The following SEMA5B variants were observed in gnomAD, a reference collection of about 807,000 sequenced individuals.
SEMA5B encodes the protein semaphorin 5B, also known as semaphorin-5B.
Under a neutral mutation model 135.0 loss-of-function variants are expected in SEMA5B, and 66 were observed. The ratio of observed to expected loss-of-function variants is 0.49; its 90% CI spans 0.40 to 0.60. The LOEUF (loss-of-function observed/expected upper bound fraction) is 0.60. Among genes scored for constraint, SEMA5B ranks in the 20% least tolerant of loss-of-function variants. SEMA5B has a pLI of 0.00. For synonymous variants in SEMA5B, 690 were observed against 639.5 expected, an observed-to-expected ratio of 1.08 and a Z score of -1.19; for missense variants, 1,501 against 1,566.3, an observed-to-expected ratio of 0.96 and a Z score of 0.70.
At chr3:123,014,504 G>A (rs184477776) in intron 1 of SEMA5B, among the ~76,000 whole-genome samples, 4 of 152,360 alleles carry the variant, frequency 2.6e-5, no homozygotes, top group Admixed American at 2.6e-4. Flanking sequence ...TAGCATTAGT[G>A]GGACATATAG....
intron 2 of SEMA5B, among the ~76,000 whole-genome samples, chr3:122,951,752 T>C (rs1039169121): frequency 2.6e-5 from 4 of 152,190 alleles, no homozygotes; most frequent in African/African-American, 9.6e-5. Flanking sequence ...AATTCCCAGG[T>C]GATTCTGATG....
At chr3:122,943,042 G>T (rs1445726742) in intron 4 of SEMA5B, among the ~76,000 whole-genome samples, 8 of 152,210 alleles carry the variant, frequency 5.3e-5, no homozygotes, top group Admixed American at 3.9e-4. Context: ...GCCGTCCCAG[G>T]TGCAGGCCGC....
chr3:122,957,529 A>G (rs1451482044), intron 2 of SEMA5B, among the ~76,000 whole-genome samples: 1 of 152,242 alleles, frequency 6.6e-6, no homozygotes, highest in Non-Finnish European at 1.5e-5. Context: ...TTTTTAGTGT[A>G]AAAAACCATG....
chr3:122,913,229 C>T lies in SEMA5B; in HGVS notation c.2476G>A (p.Ala826Thr), dbSNP rs747473226. 1.3e-6 allele frequency: 2 copies of T among 1,579,922 alleles called. No individual in the cohort carries two copies. The highest frequency in any genetic ancestry group is 1.7e-6 in the Non-Finnish European group (2 of 1,172,412). ...RRRTETRTCP[A>T]DGSGSCDTDA... ...GTGTCGCAGGAGCCGGAGCCGTCCG[C>T]GGGACAGGTCCTCGTCTCGGTCCTT... is the stretch of plus-strand genomic sequence containing the variant. Residue 826 changes from alanine (A) to threonine (T), a missense_variant, in exon 17 of 23, where the codon GCG becomes ACG. Ala to Thr is a moderately conservative substitution (Grantham distance 58). Around this residue, in one of 2 missense-constraint regions of SEMA5B, gnomAD observed 927 missense variants for 881.6 expected, o/e 1.05. Coordinates refer to ENST00000357599, the MANE Select transcript of SEMA5B (RefSeq NM_001031702.4).
In SEMA5B at chr3:122,912,354, CG is replaced by C. The variant is rs1560277738; in HGVS notation, c.2726-13del. On this transcript the variant is annotated splice_polypyrimidine_tract_variant and intron_variant, in intron 18 of 22. Transcript: ENST00000357599. Reference sequence around the variant, plus strand: ...CCAAGCACCCCGAACTGCAAGGGGACGGGGTGTGTGAGGGGCTGTAGGGGCA... The same window carrying C: ...CCAAGCACCCCGAACTGCAAGGGGACGGGTGTGTGAGGGGCTGTAGGGGCA... 6.3e-7 allele frequency: 1 copy of C among 1,575,272 alleles called. No individual in the cohort carries two copies. The highest frequency in any genetic ancestry group is 1.8e-5 in the Admixed American group (1 of 56,020).
chr3:122,948,747 C>G lies in SEMA5B; in HGVS notation c.125-38G>C, dbSNP rs1163377730. On this transcript the variant is annotated intron_variant, in intron 2 of 22. Coordinates refer to ENST00000357599, the MANE Select transcript of SEMA5B (RefSeq NM_001031702.4). ...CACTCAGTCTCACCAAGCGCTCCCT[C>G]CAACTGGGCCCACTTCCCTCAATTT... is the stretch of plus-strand genomic sequence containing the variant. 3.3e-6 allele frequency: 5 copies of G among 1,500,388 alleles called. No individual in the cohort carries two copies. In the South Asian group the frequency reaches 6.4e-5, roughly 19 times the overall value. 92.9% of individuals were successfully genotyped at this position (1,500,388 alleles called of 1,614,324 possible).
intron 4 of SEMA5B, among the ~76,000 whole-genome samples, chr3:122,940,916 C>A (rs562992578): frequency 6.6e-6 from 1 of 152,346 alleles, no homozygotes; most frequent in South Asian, 2.1e-4. Context: ...ACACAGGCAT[C>A]TGCTCACAGC....
At chr3:122,979,894 T>C (rs1161421439) in intron 1 of SEMA5B, among the ~76,000 whole-genome samples, 1 of 152,212 alleles carries the variant, frequency 6.6e-6, no homozygotes, top group Non-Finnish European at 1.5e-5. Context: ...TCCCCATTTG[T>C]GGATATGACT....
At chr3:123,008,023 T>C (rs1208513076) in intron 1 of SEMA5B, among the ~76,000 whole-genome samples, 2 of 152,236 alleles carry the variant, frequency 1.3e-5, no homozygotes, top group Admixed American at 6.5e-5. Flanking sequence ...TTTATTTAAC[T>C]CATTAATGAG....
rs773866822 is a variant in SEMA5B, at chr3:122,913,582, C to T, written c.2232G>A (p.Ser744=). Residue 744 remains serine, a synonymous_variant, in exon 16 of 23, where the codon TCG becomes TCA. Transcript: ENST00000357599. ...TGCCGTTCTCGCAGGCCCGACGCCG[C>T]GACTGCATGCCCCCTCCACAGTTGC... ...CSSNCGGGMQ[S]RRRACENGNS... 16 of 1,613,102 alleles carry T rather than the reference C, an allele frequency of 9.9e-6. No individual in the cohort carries two copies. The Admixed American group carries it at 2.7e-4, about 27-fold the overall frequency.
Position 122,979,758 on chromosome 3 carries a change from C to T in SEMA5B, c.-38-18457G>A, listed in dbSNP as rs543469213. On this transcript the variant is annotated intron_variant, in intron 1 of 22. Coordinates refer to ENST00000357599, the MANE Select transcript of SEMA5B (RefSeq NM_001031702.4). ...GCCGGGACCGTGTTGTCTCCAGCCC[C>T]CTTGCAATAATGCCTGGCTATCTGG... Among the ~76,000 whole-genome samples the T allele has an allele frequency of 2.0e-5, 3 of 152,342 alleles. No individual in the cohort carries two copies. In the South Asian group the frequency reaches 6.2e-4, roughly 32 times the overall value.
At chr3:123,026,563 T>A (rs934488378) in intron 1 of SEMA5B, among the ~76,000 whole-genome samples, 3 of 152,024 alleles carry the variant, frequency 2.0e-5, no homozygotes, top group Non-Finnish European at 4.4e-5. Context: ...TTCTCGAGCC[T>A]CGCCTTCTTC....
rs777097346 is a variant in SEMA5B at position 122,912,986 on chromosome 3, G to T, written c.2582C>A (p.Pro861Gln). ...GCAGTCCCGGGAGCAGGACGACCAC[G>T]GGCCCCAGGCGGCCCAGCCCCCGCT... ...TVSGGWAAWG[P>Q]WSSCSRDCEL... Residue 861 changes from proline (P) to glutamine (Q), a missense_variant, in exon 18 of 23, where the codon CCG becomes CAG. Physicochemically the swap from Pro to Gln is moderately conservative, Grantham distance 76. This residue lies in a region of SEMA5B where 927 missense variants were observed against 881.6 expected (regional missense o/e 1.05). Coordinates refer to ENST00000357599, the MANE Select transcript of SEMA5B (RefSeq NM_001031702.4). 2.5e-6 allele frequency: 4 copies of T among 1,609,564 alleles called. No homozygotes were observed. The highest frequency in any genetic ancestry group is 3.4e-6 in the Non-Finnish European group (4 of 1,178,314).
At chr3:122,929,250 G>A (rs899071926) in intron 5 of SEMA5B, among the ~76,000 whole-genome samples, 192 bp from the exon 6 acceptor site, 2 of 152,206 alleles carry the variant, frequency 1.3e-5, no homozygotes, top group African/African-American at 4.8e-5. Flanking sequence ...TTACCCAGAG[G>A]TCTTTCACAG....
At position 122,909,934 on chromosome 3, in the gene SEMA5B, C is replaced by T; in HGVS notation, c.*209G>A. On this transcript the variant is annotated 3_prime_UTR_variant, in exon 23 of 23. Coordinates refer to ENST00000357599, the MANE Select transcript of SEMA5B (RefSeq NM_001031702.4). ...ATGAGAGACCTGGGCTGAACTGGACCTGCGGCCATATGTCAGCCTGAAACC... is the reference window on the plus strand; with the variant it reads ...ATGAGAGACCTGGGCTGAACTGGACTTGCGGCCATATGTCAGCCTGAAACC... 1.7e-6 allele frequency: 1 copy of T among 577,226 alleles called. No individual in the cohort carries two copies. Among genetic ancestry groups the T allele is most frequent in the East Asian group, 2.9e-5 (1 of 34,460 alleles). 35.8% of individuals were successfully genotyped at this position (577,226 alleles called of 1,614,324 possible).
intron 12 of SEMA5B, 65 bp downstream of exon 12, chr3:122,921,850 A>G: frequency 7.1e-7 from 1 of 1,407,752 alleles, no homozygotes; most frequent in Non-Finnish European, 9.4e-7. Context: ...CCCGGGTCCA[A>G]AGCCCCGCCT....
intron 1 of SEMA5B, among the ~76,000 whole-genome samples, chr3:123,020,627 G>T (rs928330447): frequency 6.6e-6 from 1 of 152,218 alleles, no homozygotes; most frequent in African/African-American, 2.4e-5. Context: ...GCCAGGTAGA[G>T]CCTAGAAAAG....
intron 18 of SEMA5B, 26 bp from the exon 19 acceptor site, chr3:122,912,368 G>A: frequency 6.5e-7 from 1 of 1,534,344 alleles, no homozygotes; most frequent in Middle Eastern, 1.8e-4. Context: ...GTGTGTGAGG[G>A]GCTGTAGGGG....
At chr3:122,995,597 G>A (rs968410224) in intron 1 of SEMA5B, among the ~76,000 whole-genome samples, 1 of 152,222 alleles carries the variant, frequency 6.6e-6, no homozygotes, top group Non-Finnish European at 1.5e-5. Context: ...CAGCACCCAA[G>A]CTTGAGAGGG....
Sources: gnomAD v4.1 joint callset for allele counts (sites outside exome capture counted in the v4.1 genomes callset) on GRCh38, gnomAD v4.1.1 for gene constraint, gnomAD v4.1.1 regional missense constraint, MANE v1.5 for transcripts, NCBI Gene and HGNC (gene_info 2026-07-23, HGNC 2026-07-21) for gene names.